The following PARVB variants were observed in gnomAD, a reference collection of about 807,000 sequenced individuals.
PARVB encodes the protein beta-parvin.
A neutral mutation model predicts 47.0 loss-of-function variants in PARVB; 46 were observed. That is an observed-to-expected ratio of 0.98 (90% CI 0.77 to 1.25). The LOEUF (loss-of-function observed/expected upper bound fraction) is 1.25. Ranked by LOEUF, PARVB falls within the 50% of genes most tolerant of loss-of-function variation. PARVB has a pLI of 0.00. For synonymous variants in PARVB, 196 were observed against 196.3 expected, an observed-to-expected ratio of 1.00 and a Z score of 0.01; for missense variants, 473 against 471.6, an observed-to-expected ratio of 1.00 and a Z score of -0.03.
At chr22:44,141,859 T>TA (rs1279724597) in intron 8 of PARVB, 1 of 152,184 alleles carries the variant, frequency 6.6e-6, no homozygotes, top group African/African-American at 2.4e-5. Context: ...TCTCTATTAT[T>TA]AAAAAACAAA....
At chr22:44,156,322 C>T (rs1362899244) in intron 10 of PARVB, among the ~76,000 whole-genome samples, 1 of 150,696 alleles carries the variant, frequency 6.6e-6, no homozygotes, top group South Asian at 2.1e-4. Context: ...TCCTGTTACC[C>T]AGGCCGGAGT....
chr22:44,089,571 C>T lies in PARVB; in HGVS notation c.113-4357C>T, dbSNP rs2052114020. Reference sequence around the variant, plus strand: ...CGGTACTTTAAAAACCAAAACATTCCTGGGATTCACTGAAAGCCAGTAAAC... The same window carrying T: ...CGGTACTTTAAAAACCAAAACATTCTTGGGATTCACTGAAAGCCAGTAAAC... On this transcript the variant is annotated intron_variant, in intron 1 of 12. Coordinates refer to ENST00000338758, the MANE Select transcript of PARVB (RefSeq NM_013327.5). The surrounding 1 kb of genome is among the most constrained non-coding windows in gnomAD (Gnocchi z 4.0). 1 of 147,824 alleles carries T rather than the reference C, an allele frequency of 6.8e-6. No individual in the cohort carries two copies. Among genetic ancestry groups the T allele is most frequent in the Non-Finnish European group, 1.5e-5 (1 of 67,272 alleles). 9.2% of individuals were successfully genotyped at this position (147,824 alleles called of 1,614,324 possible).
intron 3 of PARVB, 55 bp from the exon 4 acceptor site, chr22:44,118,983 G>A (rs151285544): frequency 1.7e-6 from 2 of 1,207,856 alleles, no homozygotes; most frequent in African/African-American, 3.0e-5. Flanking sequence ...CCTGGTCACT[G>A]CCTCATTGCC....
chr22:44,144,575 A>G (rs1024933796), intron 8 of PARVB: 1 of 152,196 alleles, frequency 6.6e-6, no homozygotes, highest in Non-Finnish European at 1.5e-5. Flanking sequence ...AGGCGGGTGG[A>G]TTACTTGAGG....
intron 1 of PARVB, among the ~76,000 whole-genome samples, chr22:44,067,864 G>T (rs767258621): frequency 2.0e-5 from 3 of 152,234 alleles, no homozygotes; most frequent in Non-Finnish European, 4.4e-5. Context: ...GCTTCCTCAA[G>T]TCCTAGTTTT....
intron 4 of PARVB, chr22:44,119,977 T>C (rs2053006718): frequency 7.9e-5 from 34 of 428,212 alleles, no homozygotes; most frequent in South Asian, 5.5e-4. Flanking sequence ...GGACTTGTAG[T>C]GGGTTCTCAC....
At chr22:44,078,697 G>A (rs890086713) in intron 1 of PARVB, among the ~76,000 whole-genome samples, 8 of 152,166 alleles carry the variant, frequency 5.3e-5, no homozygotes, top group African/African-American at 1.7e-4. Flanking sequence ...CATAGAGGCA[G>A]TGACAGATGG....
rs750401173 is a variant in PARVB at position 44,168,633 on chromosome 22, G to C, written c.1050G>C (p.Leu350=). Reference sequence around the variant, plus strand: ...TTAACTTGGACCTCAAATCCACCCTGAGGGTTCTTTACAACCTGTTCACCA... The same window carrying C: ...TTAACTTGGACCTCAAATCCACCCTCAGGGTTCTTTACAACCTGTTCACCA... The part of the protein sequence containing the change: ...DVVNLDLKST[L]RVLYNLFTKY... The change falls in exon 13 of 13, where the codon CTG becomes CTC. Residue 350 remains leucine, a synonymous_variant. Transcript: ENST00000338758. The C allele has an allele frequency of 6.2e-7, 1 of 1,613,394 alleles. No individual in the cohort carries two copies. Among genetic ancestry groups the C allele is most frequent in the Non-Finnish European group, 8.5e-7 (1 of 1,179,398 alleles).
chr22:44,076,449 C>T (rs2051775111), intron 1 of PARVB, among the ~76,000 whole-genome samples: 1 of 152,228 alleles, frequency 6.6e-6, no homozygotes, highest in African/African-American at 2.4e-5. Context: ...GGCCTAGAGA[C>T]AGGCTCTTCC....
rs1216153716 is a variant in PARVB at position 44,155,892 on chromosome 22, C to T, written c.844-2090C>T. Reference sequence around the variant, plus strand: ...GAATTTCCAGGCGCAGTGGCTCATGCCTGCAATCCTAGCACTTTGGGTGGC... The same window carrying T: ...GAATTTCCAGGCGCAGTGGCTCATGTCTGCAATCCTAGCACTTTGGGTGGC... On this transcript the variant is annotated intron_variant, in intron 10 of 12. Coordinates refer to ENST00000338758, the MANE Select transcript of PARVB (RefSeq NM_013327.5). This position sits in a 1 kb window ranked among gnomAD's most constrained non-coding sequence, Gnocchi z 4.8. Among the ~76,000 whole-genome samples, 1 of 152,116 alleles carries T rather than the reference C, an allele frequency of 6.6e-6. No homozygotes were observed. The highest frequency in any genetic ancestry group is 1.5e-5 in the Non-Finnish European group (1 of 68,036).
At chr22:44,025,413 G>A (rs966504817) in intron 1 of PARVB, among the ~76,000 whole-genome samples, 1 of 152,008 alleles carries the variant, frequency 6.6e-6, no homozygotes, top group Non-Finnish European at 1.5e-5. Context: ...TGTGTGCCCC[G>A]GGAAGACATA....
intron 4 of PARVB, among the ~76,000 whole-genome samples, chr22:44,121,010 AT>A (rs2053034479): frequency 6.6e-6 from 1 of 151,496 alleles, no homozygotes; most frequent in African/African-American, 2.4e-5. Flanking sequence ...TGCCCAGGTA[AT>A]TTTTGTTTTT....
At chr22:44,025,905 G>A (rs933198364) in intron 1 of PARVB, among the ~76,000 whole-genome samples, 1 of 152,198 alleles carries the variant, frequency 6.6e-6, no homozygotes, top group Non-Finnish European at 1.5e-5. Flanking sequence ...AGAAAAGAGC[G>A]GGGGCGGGGT....
chr22:44,030,812 T>G (rs564048528), intron 1 of PARVB, among the ~76,000 whole-genome samples: 8 of 152,260 alleles, frequency 5.3e-5, no homozygotes, highest in African/African-American at 1.7e-4. Context: ...TCAGACTTCT[T>G]CTCGTTTCCA....
At chr22:44,142,022 C>G (rs1169794179) in intron 8 of PARVB, 1 of 152,176 alleles carries the variant, frequency 6.6e-6, no homozygotes, top group Admixed American at 6.5e-5. Flanking sequence ...CCTCTGTCAC[C>G]TCTTCTCCAT....
intron 2 of PARVB, among the ~76,000 whole-genome samples, chr22:44,017,934 G>T: frequency 6.6e-6 from 1 of 152,222 alleles, no homozygotes; most frequent in Middle Eastern, 3.4e-3. Context: ...TGCATGTCAC[G>T]TGTCACACAT....
At chr22:44,039,671 G>A (rs1487789567) in intron 1 of PARVB, among the ~76,000 whole-genome samples, 7 of 152,104 alleles carry the variant, frequency 4.6e-5, no homozygotes, top group East Asian at 1.9e-4. Context: ...ATGGATACAC[G>A]GACAGCAGTA....
At chr22:44,091,912 C>T (rs2052177212) in intron 1 of PARVB, among the ~76,000 whole-genome samples, 1 of 152,062 alleles carries the variant, frequency 6.6e-6, no homozygotes, top group Non-Finnish European at 1.5e-5. Flanking sequence ...ATCCTGGGGC[C>T]CCGCTGCCAT....
chr22:44,108,169 G>T (rs924094979), intron 3 of PARVB: 9 of 152,214 alleles, frequency 5.9e-5, no homozygotes, highest in Non-Finnish European at 1.5e-5. Context: ...CCACCACCAC[G>T]CCTGGCCTGC....
Sources: allele counts gnomAD v4.1 joint callset (sites outside exome capture counted in the v4.1 genomes callset), GRCh38; gene constraint gnomAD v4.1.1; non-coding constraint Gnocchi (gnomAD v3.1); transcripts MANE v1.5; gene names NCBI Gene and HGNC (gene_info 2026-07-23, HGNC 2026-07-21).